The following FER variants were observed in gnomAD, a reference collection of about 807,000 sequenced individuals.
FER encodes the protein tyrosine-protein kinase Fer.
In FER, 63 loss-of-function variants were observed where a neutral mutation model predicts 111.0. The observed-to-expected ratio is 0.57, with a 90% confidence interval of 0.46 to 0.70. The LOEUF (loss-of-function observed/expected upper bound fraction) is 0.70. Among genes scored for constraint, FER ranks in the 30% least tolerant of loss-of-function variants. The pLI, the probability that FER is intolerant of heterozygous loss-of-function variation, is 0.00. For synonymous variants in FER, 327 were observed against 313.9 expected (o/e 1.04, Z -0.44); for missense variants, 914 against 954.0 (o/e 0.96, Z 0.55).
chr5:109,001,928 G>C (rs1165076157), intron 13 of FER, among the ~76,000 whole-genome samples: 1 of 151,892 alleles, frequency 6.6e-6, no homozygotes, highest in Non-Finnish European at 1.5e-5. Flanking sequence ...AACTTACAAG[G>C]GATGTGAAGG....
intron 14 of FER, among the ~76,000 whole-genome samples, chr5:109,044,405 TCTC>T (rs1771644866): frequency 6.6e-6 from 1 of 152,038 alleles, no homozygotes; most frequent in African/African-American, 2.4e-5. Context: ...ATGGTCTCGA[TCTC>T]CTGACCTCGT....
At chr5:109,105,230 T>TGG (rs1748754372) in intron 17 of FER, among the ~76,000 whole-genome samples, 1 of 138,546 alleles carries the variant, frequency 7.2e-6, no homozygotes, top group Non-Finnish European at 1.6e-5. Context: ...CAGCTTATAT[T>TGG]TGTGTGTGTG....
intron 3 of FER, chr5:108,820,200 T>A: frequency 1.0e-6 from 1 of 985,418 alleles, no homozygotes; most frequent in South Asian, 4.7e-5. Flanking sequence ...AACAAAGGAA[T>A]CTTCTCTGGA....
At chr5:109,153,054 T>G (rs1755019462) in intron 17 of FER, among the ~76,000 whole-genome samples, 1 of 151,860 alleles carries the variant, frequency 6.6e-6, no homozygotes, top group Admixed American at 6.6e-5. Flanking sequence ...CTCAAGTGAT[T>G]TAGTCTTTAG....
At chr5:108,844,567 A>G (rs1362078706) in intron 5 of FER, among the ~76,000 whole-genome samples, 3 of 152,288 alleles carry the variant, frequency 2.0e-5, no homozygotes, top group East Asian at 3.9e-4. Flanking sequence ...CACACCTGTG[A>G]AATTATTACT....
Position 109,188,203 on chromosome 5 carries a change from T to C in FER, c.*628T>C, listed in dbSNP as rs930110914. On this transcript the variant is annotated 3_prime_UTR_variant, in exon 20 of 20. Coordinates refer to ENST00000281092, the MANE Select transcript of FER (RefSeq NM_005246.4). The stretch of plus-strand genomic sequence containing the variant: ...CCTTTGTCTGGGCATCAGAAAACAA[T>C]GCACGTAGGTCGGGCACGGTGGCTC... 1 of 149,460 alleles carries C rather than the reference T, an allele frequency of 6.7e-6. No homozygotes were observed. The highest frequency in any genetic ancestry group is 1.5e-5 in the Non-Finnish European group (1 of 67,438). The allele number at this position is 149,460 out of a possible 1,614,324, so 9.3% of individuals were successfully genotyped here. A position where few individuals can be genotyped will look rare whatever the true frequency, so the allele number is the denominator to read the frequency against.
intron 5 of FER, among the ~76,000 whole-genome samples, chr5:108,845,023 T>TAC (rs1761815527): frequency 1.3e-4 from 7 of 53,128 alleles, no homozygotes; most frequent in African/African-American, 3.9e-4. Context: ...TATATATATA[T>TAC]ATATATATAT....
chr5:109,165,685 C>T (rs1756482003), intron 17 of FER, among the ~76,000 whole-genome samples: 1 of 151,278 alleles, frequency 6.6e-6, no homozygotes, highest in African/African-American at 2.4e-5. Flanking sequence ...ACATATTGAG[C>T]AGAGTTGGGG....
intron 2 of FER, among the ~76,000 whole-genome samples, chr5:108,787,050 G>A (rs531710597): frequency 2.0e-5 from 3 of 152,116 alleles, no homozygotes; most frequent in South Asian, 4.2e-4. Context: ...GGGAACAGGC[G>A]GGAGCTTTGT....
chr5:108,850,211 T>A (rs890372795), intron 5 of FER, among the ~76,000 whole-genome samples: 1 of 151,688 alleles, frequency 6.6e-6, no homozygotes, highest in East Asian at 1.9e-4. Context: ...AAAAAAATCA[T>A]ATTATTAGTG....
intron 17 of FER, among the ~76,000 whole-genome samples, chr5:109,157,775 G>A (rs1003943695): frequency 6.6e-6 from 1 of 152,202 alleles, no homozygotes; most frequent in South Asian, 2.1e-4. Flanking sequence ...CTGGGGACTT[G>A]AGAACTTTGA....
intron 16 of FER, among the ~76,000 whole-genome samples, chr5:109,066,656 G>A (rs1206365429): frequency 6.6e-6 from 1 of 152,134 alleles, no homozygotes; most frequent in Non-Finnish European, 1.5e-5. Context: ...GTATTTAAGT[G>A]ACTGAAACCT....
chr5:108,993,830 T>C (rs1279428813), intron 13 of FER, among the ~76,000 whole-genome samples: 1 of 152,186 alleles, frequency 6.6e-6, no homozygotes, highest in South Asian at 2.1e-4. Context: ...TTCTGACTGG[T>C]GTGAGATGGT....
At chr5:108,754,905 C>G (rs1179904836) in intron 1 of FER, among the ~76,000 whole-genome samples, 1 of 152,156 alleles carries the variant, frequency 6.6e-6, no homozygotes, top group Non-Finnish European at 1.5e-5. Flanking sequence ...AATTTTAAAT[C>G]ACTCATCCTA....
At chr5:109,161,956 G>T (rs1201844248) in intron 17 of FER, among the ~76,000 whole-genome samples, 1 of 151,974 alleles carries the variant, frequency 6.6e-6, no homozygotes. Flanking sequence ...TAGCCATTCC[G>T]ACTGGTGTGA....
At chr5:109,107,825 A>G (rs10043540) in intron 17 of FER, among the ~76,000 whole-genome samples, 34,910 of 151,450 alleles carry the variant, frequency 0.23, 4,143 homozygotes, top group Middle Eastern at 0.26. Flanking sequence ...ACATTCCTCC[A>G]CTCCTCTTGC....
chr5:109,047,198 G>T lies in FER; in HGVS notation c.1924G>T (p.Gly642Ter). Residue 642 changes from glycine to a stop codon, truncating the protein, a stop_gained and splice_region_variant, in exon 16 of 20, where the codon GGA (glycine) becomes TGA (stop). Coordinates refer to ENST00000281092, the MANE Select transcript of FER (RefSeq NM_005246.4). LOFTEE classifies it high-confidence loss of function. The part of the protein sequence containing the change: ...PVYIIMELVS[G>*]GDFLTFLRRK... ...CTACATCATTATGGAACTGGTTTCAGGTAATGTGATCTGAGAATTTTTGCA... is the reference window on the plus strand; with the variant it reads ...CTACATCATTATGGAACTGGTTTCATGTAATGTGATCTGAGAATTTTTGCA... 1 of 1,577,094 alleles carries T rather than the reference G, an allele frequency of 6.3e-7. No individual in the cohort carries two copies. Among genetic ancestry groups the T allele is most frequent in the South Asian group, 1.1e-5 (1 of 87,520 alleles).
At chr5:109,012,002 C>T (rs866779060) in intron 13 of FER, among the ~76,000 whole-genome samples, 3 of 152,158 alleles carry the variant, frequency 2.0e-5, no homozygotes, top group Non-Finnish European at 4.4e-5. Flanking sequence ...CCTTTTCTCC[C>T]CAGCAGAGCC....
intron 17 of FER, among the ~76,000 whole-genome samples, chr5:109,175,719 C>G (rs1757605901): frequency 6.6e-6 from 1 of 152,120 alleles, no homozygotes; most frequent in Non-Finnish European, 1.5e-5. Flanking sequence ...GACTAAAATC[C>G]AGAATATCCA....
Sources: gnomAD v4.1 joint callset for allele counts (sites outside exome capture counted in the v4.1 genomes callset) on GRCh38, gnomAD v4.1.1 for gene constraint, MANE v1.5 for transcripts, NCBI Gene and HGNC (gene_info 2026-07-23, HGNC 2026-07-21) for gene names.